The following PLXNC1 variants were observed in gnomAD, a reference collection of about 807,000 sequenced individuals.
PLXNC1 encodes the protein plexin-C1.
In PLXNC1, 75 loss-of-function variants were observed where a neutral mutation model predicts 178.2. The ratio of observed to expected loss-of-function variants is 0.42; its 90% CI spans 0.35 to 0.51. The LOEUF is 0.51. Among genes scored for constraint, PLXNC1 ranks in the 20% least tolerant of loss-of-function variants. PLXNC1 has a pLI of 0.02. For synonymous variants in PLXNC1, 790 were observed against 779.9 expected, an observed-to-expected ratio of 1.01 and a Z score of -0.22; for missense variants, 1,503 against 1,984.4, an observed-to-expected ratio of 0.76 and a Z score of 4.61.
In PLXNC1 at chr12:94,298,549, T is replaced by C. The variant is rs935469110; in HGVS notation, c.4075-83T>C. 5 of 1,107,908 alleles carry C rather than the reference T, an allele frequency of 4.5e-6. No homozygotes were observed. The African/African-American group carries it at 4.7e-5, about 10-fold the overall frequency. The allele number at this position is 1,107,908 out of a possible 1,614,324, so 68.6% of individuals were successfully genotyped here. A position where few individuals can be genotyped will look rare whatever the true frequency, so the allele number is the denominator to read the frequency against. On this transcript the variant is annotated intron_variant, in intron 26 of 30. Transcript: ENST00000258526. ...TGTTTTGAACATTATTTTCTCTGAA[T>C]GTGGATTTGCTTTTGCTATTATGTT... is the stretch of plus-strand genomic sequence containing the variant.
chr12:94,265,033 G>A (rs773918084), intron 20 of PLXNC1, 46 bp from the exon 21 acceptor site: 1 of 1,600,500 alleles, frequency 6.2e-7, no homozygotes, highest in South Asian at 1.1e-5. Flanking sequence ...GGAAAGTACA[G>A]TGGATTCCAC....
Position 94,193,860 on chromosome 12 carries a change from G to C in PLXNC1, c.1439+7387G>C, listed in dbSNP as rs371910393. On this transcript the variant is annotated intron_variant, in intron 4 of 30. Transcript: ENST00000258526. ...CCTGTTTGGGCTGCATGGGAAACGC[G>C]GGGGGTGGACTTCCACACTGGCAAC... 5.9e-5 allele frequency among the ~76,000 whole-genome samples: 9 copies of C among 152,288 alleles called. No individual in the cohort carries two copies. In the South Asian group the frequency reaches 1.9e-3, roughly 32 times the overall value.
intron 20 of PLXNC1, 93 bp from the exon 21 acceptor site, chr12:94,264,986 C>A: frequency 7.9e-7 from 1 of 1,271,106 alleles, no homozygotes; most frequent in East Asian, 2.3e-5. Context: ...AACCCTGTCT[C>A]CTGCCTTACT....
intron 19 of PLXNC1, 30 bp downstream of exon 19, chr12:94,259,764 G>A: frequency 6.4e-7 from 1 of 1,561,864 alleles, no homozygotes; most frequent in South Asian, 1.2e-5. Context: ...TGTTTTAAAA[G>A]CCTTTAAGAA....
At chr12:94,259,870 C>T (rs1207658137) in intron 19 of PLXNC1, 136 bp downstream of exon 19, 1 of 488,510 alleles carries the variant, frequency 2.0e-6, no homozygotes, top group Non-Finnish European at 3.4e-6. Flanking sequence ...CAAGACCAGC[C>T]TGACCAACAC....
intron 4 of PLXNC1, among the ~76,000 whole-genome samples, chr12:94,208,501 TC>T (rs1963372725): frequency 6.6e-6 from 1 of 152,210 alleles, no homozygotes; most frequent in African/African-American, 2.4e-5. Context: ...TTTGGGCCCA[TC>T]CATTCCTCAT....
chr12:94,272,560 A>C (rs1965638329), intron 21 of PLXNC1, among the ~76,000 whole-genome samples: 1 of 152,066 alleles, frequency 6.6e-6, no homozygotes, highest in African/African-American at 2.4e-5. Context: ...CTGCCATCCT[A>C]GTCACAAGAT....
At chr12:94,224,150 A>G (rs1963875454) in intron 6 of PLXNC1, 78 bp from the exon 7 acceptor site, 4 of 879,522 alleles carry the variant, frequency 4.5e-6, no homozygotes, top group Non-Finnish European at 7.8e-6. Flanking sequence ...AAAAATATTT[A>G]TCTTTTTTTG....
chr12:94,197,932 G>A (rs1178515078), intron 4 of PLXNC1, among the ~76,000 whole-genome samples: 1 of 152,130 alleles, frequency 6.6e-6, no homozygotes, highest in African/African-American at 2.4e-5. Context: ...CTGAGTCAGA[G>A]AAAACCCTCC....
chr12:94,204,399 T>G (rs1223066056), intron 4 of PLXNC1, among the ~76,000 whole-genome samples: 1 of 152,266 alleles, frequency 6.6e-6, no homozygotes, highest in African/African-American at 2.4e-5. Context: ...TCAAATCATG[T>G]GAAAAGACAT....
At chr12:94,277,701 C>T in intron 21 of PLXNC1, 1 of 337,280 alleles carries the variant, frequency 3.0e-6, no homozygotes, top group East Asian at 8.2e-5. Flanking sequence ...GGCGTCCTAG[C>T]TGTCCAATGT....
chr12:94,190,585 G>T (rs765539120), intron 4 of PLXNC1, among the ~76,000 whole-genome samples: 1 of 152,064 alleles, frequency 6.6e-6, no homozygotes, highest in Non-Finnish European at 1.5e-5. Flanking sequence ...ATCCCAGTGC[G>T]CTCCAAGAAG....
intron 2 of PLXNC1, among the ~76,000 whole-genome samples, chr12:94,174,635 C>A (rs753460050): frequency 1.3e-5 from 2 of 152,150 alleles, no homozygotes; most frequent in African/African-American, 4.8e-5. Context: ...AGAAAAAAAT[C>A]TTTTGTAAAG....
Position 94,291,665 on chromosome 12 carries a change from T to C in PLXNC1, c.3880-2821T>C, listed in dbSNP as rs552753792. ...CATTTTCATCCCTCCCGAAGAAACC[T>C]TGAATTCATTAACAGTCACTCCTTA... is the stretch of plus-strand genomic sequence containing the variant. On this transcript the variant is annotated intron_variant, in intron 23 of 30. Coordinates refer to ENST00000258526, the MANE Select transcript of PLXNC1 (RefSeq NM_005761.3). Among the ~76,000 whole-genome samples the C allele has an allele frequency of 6.6e-5, 10 of 152,348 alleles. No individual in the cohort carries two copies. In the South Asian group the frequency reaches 1.4e-3, roughly 22 times the overall value.
Position 94,148,968 on chromosome 12 carries a change from C to T in PLXNC1, c.-4C>T, listed in dbSNP as rs1186099010. 6.6e-6 allele frequency: 9 copies of T among 1,355,938 alleles called. No homozygotes were observed. The highest frequency in any genetic ancestry group is 2.6e-4 in the Middle Eastern group (1 of 3,842). The allele number at this position is 1,355,938 out of a possible 1,614,324, so 84.0% of individuals were successfully genotyped here. On this transcript the variant is annotated 5_prime_UTR_variant, in exon 1 of 31. Coordinates refer to ENST00000258526, the MANE Select transcript of PLXNC1 (RefSeq NM_005761.3). The surrounding 1 kb of genome is among the most constrained non-coding windows in gnomAD (Gnocchi z 4.8). The stretch of plus-strand genomic sequence containing the variant: ...CCCTGCCCGGGGGCGGCCCCCCCAG[C>T]CCCATGGAGGTCTCCCGGAGGAAGG...
intron 22 of PLXNC1, among the ~76,000 whole-genome samples, chr12:94,280,352 G>A (rs926486839): frequency 7.9e-5 from 12 of 152,194 alleles, no homozygotes; most frequent in Admixed American, 7.2e-4. Flanking sequence ...ATGAAGAATA[G>A]AATCATGGTG....
intron 17 of PLXNC1, among the ~76,000 whole-genome samples, chr12:94,258,709 A>AT (rs1964920831): frequency 6.6e-6 from 1 of 152,224 alleles, no homozygotes; most frequent in South Asian, 2.1e-4. Context: ...CTCTGCACCC[A>AT]TTTTATTTTC....
At chr12:94,204,155 A>G (rs976666013) in intron 4 of PLXNC1, among the ~76,000 whole-genome samples, 4 of 152,188 alleles carry the variant, frequency 2.6e-5, no homozygotes, top group African/African-American at 9.7e-5. Flanking sequence ...CACAAAACAG[A>G]CTAAGACAGA....
intron 17 of PLXNC1, among the ~76,000 whole-genome samples, chr12:94,259,092 A>G (rs1476005758): frequency 1.3e-5 from 2 of 152,244 alleles, no homozygotes; most frequent in Admixed American, 6.5e-5. Flanking sequence ...TCATCTACCA[A>G]ACCTGGAACT....
Sources: gnomAD v4.1 joint callset for allele counts (sites outside exome capture counted in the v4.1 genomes callset) on GRCh38, gnomAD v4.1.1 for gene constraint, Gnocchi (gnomAD v3.1) non-coding constraint, MANE v1.5 for transcripts, NCBI Gene and HGNC (gene_info 2026-07-23, HGNC 2026-07-21) for gene names.